Variants in SEPTIN9 observed in about 807,000 individuals in gnomAD.
SEPTIN9 encodes the protein septin-9.
SEPTIN9 carries 13 observed loss-of-function variants against 56.6 expected under a neutral mutation model. That is an observed-to-expected ratio of 0.23 (90% CI 0.15 to 0.37). SEPTIN9 has a LOEUF of 0.37. Ranked by LOEUF, SEPTIN9 falls within the 10% of genes least tolerant of loss-of-function variation. The pLI is 1.00. For missense variants in SEPTIN9, 650 were observed against 823.1 expected, an observed-to-expected ratio of 0.79 and a Z score of 2.57; for synonymous variants, 332 against 334.1, an observed-to-expected ratio of 0.99 and a Z score of 0.07.
intron 3 of SEPTIN9, among the ~76,000 whole-genome samples, chr17:77,441,771 C>T (rs888607004): frequency 2.4e-4 from 36 of 152,206 alleles, no homozygotes; most frequent in African/African-American, 8.2e-4. Flanking sequence ...AAGAGGTGAA[C>T]GTTTGCCACT....
chr17:77,463,798 G>A (rs1445473584), intron 3 of SEPTIN9, among the ~76,000 whole-genome samples: 2 of 152,020 alleles, frequency 1.3e-5, no homozygotes, highest in African/African-American at 2.4e-5. Context: ...AGCCGAGATC[G>A]CGCCATTGCA....
chr17:77,428,621 A>C (rs1162543377), intron 3 of SEPTIN9, among the ~76,000 whole-genome samples: 2 of 152,220 alleles, frequency 1.3e-5, no homozygotes, highest in Non-Finnish European at 2.9e-5. Context: ...CATCTTGCAG[A>C]TGTAGTCCAG....
intron 1 of SEPTIN9, among the ~76,000 whole-genome samples, chr17:77,300,911 A>C (rs1288930852): frequency 5.8e-5 from 3 of 52,098 alleles, no homozygotes; most frequent in African/African-American, 8.0e-5. Context: ...CACCCCCAAC[A>C]CAGGCTCAAA....
rs190394547 is a variant in SEPTIN9 at position 77,425,735 on chromosome 17, C to T, written c.721+23032C>T. On this transcript the variant is annotated intron_variant, in intron 3 of 11. Transcript: ENST00000427177. This position sits in a 1 kb window ranked among gnomAD's most constrained non-coding sequence, Gnocchi z 4.2. The stretch of plus-strand genomic sequence containing the variant: ...ATGTTGGGAGGCTAAGAGGAAGCTG[C>T]CCCCCGCTCATCTACCCCCCAACCC... Among the ~76,000 whole-genome samples the T allele has an allele frequency of 2.0e-5, 3 of 149,410 alleles. No individual in the cohort carries two copies. Among genetic ancestry groups the T allele is most frequent in the Non-Finnish European group, 4.4e-5 (3 of 67,522 alleles).
chr17:77,402,749 C>T lies in SEPTIN9; in HGVS notation c.721+46C>T. 2.0e-6 allele frequency: 3 copies of T among 1,507,248 alleles called. No individual in the cohort carries two copies. Among genetic ancestry groups the T allele is most frequent in the South Asian group, 2.7e-5 (2 of 75,416 alleles). 93.4% of individuals were successfully genotyped at this position (1,507,248 alleles called of 1,614,324 possible). On this transcript the variant is annotated intron_variant, in intron 3 of 11. Coordinates refer to ENST00000427177, the MANE Select transcript of SEPTIN9 (RefSeq NM_001113491.2). This position sits in a 1 kb window ranked among gnomAD's most constrained non-coding sequence, Gnocchi z 6.6. ...TCTTGGATGCTGTGGTAATGGGGGGCCTGGTTGCTGGCTTTGCCACAGAAT... is the reference window on the plus strand; with the variant it reads ...TCTTGGATGCTGTGGTAATGGGGGGTCTGGTTGCTGGCTTTGCCACAGAAT...
chr17:77,377,872 C>T (rs933379849), intron 2 of SEPTIN9, among the ~76,000 whole-genome samples: 4 of 152,218 alleles, frequency 2.6e-5, no homozygotes, highest in Non-Finnish European at 5.9e-5. Context: ...TGAATACTGC[C>T]TCTCTGCAGT....
At chr17:77,336,251 C>A (rs55902401) in intron 2 of SEPTIN9, among the ~76,000 whole-genome samples, 57,618 of 151,904 alleles carry the variant, frequency 0.38, 12,205 homozygotes, top group East Asian at 0.49. Flanking sequence ...TAAGAAGTAG[C>A]TTGTTGATGT....
At position 77,497,308 on chromosome 17, in the gene SEPTIN9, C is replaced by T. The variant is rs1445874674; in HGVS notation, c.1574-7C>T. 2 of 1,613,330 alleles carry T rather than the reference C, an allele frequency of 1.2e-6. No homozygotes were observed. Among genetic ancestry groups the T allele is most frequent in the South Asian group, 1.1e-5 (1 of 90,914 alleles). ...GACATTAAAGCCCCTCCTGTCTCCTCTCCTAGTTGAAAACACCACACACTG... is the reference window on the plus strand; with the variant it reads ...GACATTAAAGCCCCTCCTGTCTCCTTTCCTAGTTGAAAACACCACACACTG... On this transcript the variant is annotated splice_region_variant and splice_polypyrimidine_tract_variant and intron_variant, in intron 10 of 11. Coordinates refer to ENST00000427177, the MANE Select transcript of SEPTIN9 (RefSeq NM_001113491.2).
intron 2 of SEPTIN9, among the ~76,000 whole-genome samples, chr17:77,328,753 G>T (rs562915689): frequency 2.0e-5 from 3 of 152,228 alleles, no homozygotes; most frequent in Non-Finnish European, 4.4e-5. Flanking sequence ...AGACACAGTC[G>T]CTGGTCGCTT....
chr17:77,288,881 A>G (rs1033241089), intron 1 of SEPTIN9, among the ~76,000 whole-genome samples: 1 of 152,122 alleles, frequency 6.6e-6, no homozygotes, highest in African/African-American at 2.4e-5. Context: ...GCAAGTGCAC[A>G]CAGAGGCCGG....
At chr17:77,357,318 G>C (rs972083169) in intron 2 of SEPTIN9, among the ~76,000 whole-genome samples, 1 of 152,146 alleles carries the variant, frequency 6.6e-6, no homozygotes, top group East Asian at 1.9e-4. Flanking sequence ...TGCTCCTGCT[G>C]CAACAGCTAC....
chr17:77,444,025 G>A (rs1327387191), intron 3 of SEPTIN9, among the ~76,000 whole-genome samples: 1 of 152,086 alleles, frequency 6.6e-6, no homozygotes, highest in African/African-American at 2.4e-5. Flanking sequence ...TGACTCTGGG[G>A]GTGGGGGTCA....
At position 77,402,213 on chromosome 17, in the gene SEPTIN9, T is replaced by C. The variant is rs2035923641; in HGVS notation, c.231T>C (p.His77=). 2.5e-6 allele frequency: 4 copies of C among 1,613,424 alleles called. No individual in the cohort carries two copies. Among genetic ancestry groups the C allele is most frequent in the African/African-American group, 1.3e-5 (1 of 74,868 alleles). Residue 77 remains histidine, a synonymous_variant, in exon 3 of 12, where the codon CAT becomes CAC. Coordinates refer to ENST00000427177, the MANE Select transcript of SEPTIN9 (RefSeq NM_001113491.2). The surrounding 1 kb of genome is among the most constrained non-coding windows in gnomAD (Gnocchi z 6.6). ...GVKNSEPSAR[H]VDSLSQRSPK... ...AGAACTCAGAACCCTCGGCCCGCCATGTGGACTCCCTAAGCCAACGCTCCC... is the reference window on the plus strand; with the variant it reads ...AGAACTCAGAACCCTCGGCCCGCCACGTGGACTCCCTAAGCCAACGCTCCC...
chr17:77,307,170 C>T lies in SEPTIN9; in HGVS notation c.49C>T (p.Arg17Trp), dbSNP rs531805982. Residue 17 changes from arginine (R) to tryptophan (W), a missense_variant, in exon 2 of 12, where the codon CGG becomes TGG. Physicochemically the swap from Arg to Trp is moderately radical, Grantham distance 101 (BLOSUM62 -3). This residue lies in a region of SEPTIN9 where 317 missense variants were observed against 329.1 expected (regional missense o/e 0.96). Transcript: ENST00000427177. ...CACGCGGACCTCCAGTGGCCGGCTCCGGAGGCTTGGTGACTCCAGTGGCCC... is the reference window on the plus strand; with the variant it reads ...CACGCGGACCTCCAGTGGCCGGCTCTGGAGGCTTGGTGACTCCAGTGGCCC... ...GGTRTSSGRL[R>W]RLGDSSGPAL... is the part of the protein sequence containing the mutation. The T allele has an allele frequency of 1.5e-5, 25 of 1,613,770 alleles. No individual in the cohort carries two copies. Among genetic ancestry groups the T allele is most frequent in the Admixed American group, 1.0e-4 (6 of 60,008 alleles).
intron 2 of SEPTIN9, chr17:77,373,423 C>G (rs1166785942): frequency 7.6e-7 from 1 of 1,323,814 alleles, no homozygotes; most frequent in Admixed American, 3.8e-5. Flanking sequence ...CCCCAGCCAG[C>G]GCGCAGGGCC....
At chr17:77,489,904 CT>C (rs1273081161) in intron 7 of SEPTIN9, among the ~76,000 whole-genome samples, 1 of 152,218 alleles carries the variant, frequency 6.6e-6, no homozygotes, top group Admixed American at 6.5e-5. Flanking sequence ...GCTGTTCCAG[CT>C]GCTCCAAGCT....
At position 77,373,299 on chromosome 17, in the gene SEPTIN9, A is replaced by C. The variant is rs986475389; in HGVS notation, c.77-28760A>C. ...GGAGGCGGGGGCGGGGCGGGGGCGC[A>C]GCGCGCGGGGAGGGGCCGGCGCCCG... On this transcript the variant is annotated intron_variant, in intron 2 of 11. Coordinates refer to ENST00000427177, the MANE Select transcript of SEPTIN9 (RefSeq NM_001113491.2). 7 of 1,118,356 alleles carry C rather than the reference A, an allele frequency of 6.3e-6. No homozygotes were observed. The South Asian group carries it at 2.6e-4, about 42-fold the overall frequency. The allele number at this position is 1,118,356 out of a possible 1,614,324, so 69.3% of individuals were successfully genotyped here.
chr17:77,380,782 C>G (rs762745965), intron 2 of SEPTIN9, among the ~76,000 whole-genome samples: 95 of 152,234 alleles, frequency 6.2e-4, no homozygotes, highest in Non-Finnish European at 2.4e-4. Flanking sequence ...CCCACATCCC[C>G]CTGTCTGCTA....
intron 3 of SEPTIN9, among the ~76,000 whole-genome samples, chr17:77,460,542 G>A (rs2038421830): frequency 6.6e-6 from 1 of 152,210 alleles, no homozygotes; most frequent in African/African-American, 2.4e-5. Flanking sequence ...GGCTGGCGTG[G>A]CTGGGGTTTG....
Sources: allele counts gnomAD v4.1 joint callset (sites outside exome capture counted in the v4.1 genomes callset), GRCh38; gene constraint gnomAD v4.1.1; regional missense constraint gnomAD v4.1.1; non-coding constraint Gnocchi (gnomAD v3.1); transcripts MANE v1.5; gene names NCBI Gene and HGNC (gene_info 2026-07-23, HGNC 2026-07-21).